COL5A2: variants seen among roughly 807,000 people sequenced by gnomAD.
The protein encoded by COL5A2 is collagen alpha-2(V) chain.
In COL5A2, 23 loss-of-function variants were observed where a neutral mutation model predicts 208.2. The observed-to-expected ratio is 0.11, with a 90% CI of 0.08 to 0.16. COL5A2 has a LOEUF of 0.16. Ranked by LOEUF, COL5A2 falls within the 10% of genes least tolerant of loss-of-function variation. The pLI is 1.00. For synonymous variants in COL5A2, 625 were observed against 628.5 expected (o/e 0.99, Z 0.08); for missense variants, 1,590 against 1,956.4 (o/e 0.81, Z 3.53).
chr2:189,199,392 G>C (rs1239887491), intron 1 of COL5A2, among the ~76,000 whole-genome samples: 2 of 152,096 alleles, frequency 1.3e-5, no homozygotes, highest in African/African-American at 2.4e-5. Context: ...TTAGTCAAGA[G>C]CTTTAATTTG....
chr2:189,321,450 C>G, the COL5A2 span, among the ~76,000 whole-genome samples: 1 of 151,928 alleles, frequency 6.6e-6, no homozygotes, highest in Non-Finnish European at 1.5e-5. Context: ...CACATAGGCT[C>G]AAAATAAAGG....
At chr2:189,155,639 C>G (rs1688230820) in intron 1 of COL5A2, among the ~76,000 whole-genome samples, 1 of 152,074 alleles carries the variant, frequency 6.6e-6, no homozygotes, top group South Asian at 2.1e-4. Flanking sequence ...TTTTTAATTC[C>G]TTTATGGCAC....
chr2:189,343,622 C>G, the COL5A2 span, among the ~76,000 whole-genome samples: 1 of 152,216 alleles, frequency 6.6e-6, no homozygotes, highest in East Asian at 1.9e-4. Context: ...TGGATTACTT[C>G]TGAAAACTGA....
chr2:189,298,333 T>C, the COL5A2 span, among the ~76,000 whole-genome samples: 4 of 152,170 alleles, frequency 2.6e-5, no homozygotes, highest in African/African-American at 9.6e-5. Flanking sequence ...TATGAGTTAA[T>C]AGAAAAGCCT....
intron 6 of COL5A2, 93 bp downstream of exon 6, chr2:189,097,184 G>A (rs1160994320): frequency 8.5e-7 from 1 of 1,176,778 alleles, no homozygotes; most frequent in African/African-American, 1.5e-5. Flanking sequence ...GGTGAAAGAG[G>A]AATAGTGCTC....
chr2:189,075,378 A>C lies in COL5A2; in HGVS notation c.1104+15T>G, dbSNP rs75486409. On this transcript the variant is annotated intron_variant, in intron 17 of 53. Coordinates refer to ENST00000374866, the MANE Select transcript of COL5A2 (RefSeq NM_000393.5). ...GAATAAATTAATGAATTAATATGAA[A>C]ATAATATAACTCACCATTGGTCCAG... The C allele has an allele frequency of 1.3e-6, 2 of 1,566,648 alleles. No individual in the cohort carries two copies. Among genetic ancestry groups the C allele is most frequent in the East Asian group, 4.5e-5 (2 of 44,492 alleles).
chr2:189,345,184 T>C, the COL5A2 span, among the ~76,000 whole-genome samples: 3 of 152,182 alleles, frequency 2.0e-5, no homozygotes, highest in Non-Finnish European at 2.9e-5. Flanking sequence ...TTTAGATGTA[T>C]AAGATAAGAC....
At chr2:189,161,442 C>T (rs1688361755) in intron 1 of COL5A2, among the ~76,000 whole-genome samples, 1 of 151,976 alleles carries the variant, frequency 6.6e-6, no homozygotes, top group Non-Finnish European at 1.5e-5. Flanking sequence ...ACTTTGTTTC[C>T]ATTTAATTAC....
the COL5A2 span, among the ~76,000 whole-genome samples, chr2:189,395,422 A>C: frequency 1.3e-5 from 2 of 152,252 alleles, no homozygotes; most frequent in Non-Finnish European, 2.9e-5. Context: ...CTTGAAATTC[A>C]TAACAAAAAA....
chr2:189,070,161 T>C (rs531358029), intron 18 of COL5A2, among the ~76,000 whole-genome samples: 3 of 152,330 alleles, frequency 2.0e-5, no homozygotes, highest in Non-Finnish European at 2.9e-5. Flanking sequence ...GGCATACTTA[T>C]ACTAAACATG....
intron 3 of COL5A2, 140 bp from the exon 4 acceptor site, chr2:189,100,279 T>C: frequency 2.9e-6 from 2 of 681,152 alleles, no homozygotes; most frequent in South Asian, 3.6e-5. Flanking sequence ...AAAAGAAAGT[T>C]AACAATTTTT....
chr2:189,148,118 G>A (rs1559125445), intron 1 of COL5A2, among the ~76,000 whole-genome samples: 1 of 152,070 alleles, frequency 6.6e-6, no homozygotes, highest in Non-Finnish European at 1.5e-5. Flanking sequence ...ATTCACTGGG[G>A]GGAGGGAAAC....
At chr2:189,360,473 T>C in the COL5A2 span, among the ~76,000 whole-genome samples, 1 of 152,198 alleles carries the variant, frequency 6.6e-6, no homozygotes, top group African/African-American at 2.4e-5. Context: ...TAATTTCTTT[T>C]TTTATTTCTT....
At chr2:189,250,457 G>C in the COL5A2 span, among the ~76,000 whole-genome samples, 3 of 152,156 alleles carry the variant, frequency 2.0e-5, no homozygotes, top group Admixed American at 6.5e-5. Context: ...TTGGCCAATT[G>C]TCCCAAATAT....
chr2:189,430,139 C>T, the COL5A2 span, among the ~76,000 whole-genome samples: 5 of 152,162 alleles, frequency 3.3e-5, no homozygotes, highest in Non-Finnish European at 5.9e-5. Flanking sequence ...CACCTACCTC[C>T]CAATTCTCCT....
At chr2:189,249,222 CCAAAATAGA>C in the COL5A2 span, among the ~76,000 whole-genome samples, 7 of 151,946 alleles carry the variant, frequency 4.6e-5, no homozygotes, top group Non-Finnish European at 1.0e-4. Context: ...CAAGCATAGA[CCAAAATAGA>C]CAAAATAGAG....
At position 189,039,238 on chromosome 2, in the gene COL5A2, C is replaced by T. The variant is rs372307420; in HGVS notation, c.3925+34G>A. 9.4e-4 allele frequency: 1,519 copies of T among 1,611,784 alleles called. 26 individuals carry two copies. The South Asian group carries it at 0.013, about 14-fold the overall frequency. ...GTTGAGAATAAACAATCAGAAACAA[C>T]GGGTTTTGCTCAAATGGGCTGCTGT... On this transcript the variant is annotated intron_variant, in intron 51 of 53. Transcript: ENST00000374866.
intron 29 of COL5A2, 111 bp from the exon 30 acceptor site, chr2:189,061,726 T>C: frequency 1.2e-6 from 1 of 856,978 alleles, no homozygotes; most frequent in South Asian, 1.4e-5. Context: ...TCCAATCACA[T>C]GTTTTTCTCT....
At chr2:189,265,903 C>T in the COL5A2 span, among the ~76,000 whole-genome samples, 5 of 152,140 alleles carry the variant, frequency 3.3e-5, no homozygotes, top group Admixed American at 3.3e-4. Context: ...CTTTGAAAAA[C>T]AGTTTGGCAT....
Sources: allele counts gnomAD v4.1 joint callset (sites outside exome capture counted in the v4.1 genomes callset), GRCh38; gene constraint gnomAD v4.1.1; transcripts MANE v1.5; gene names NCBI Gene and HGNC (gene_info 2026-07-23, HGNC 2026-07-21).